Variants in ASIC2 observed in about 807,000 individuals in gnomAD.
ASIC2 encodes the protein acid sensing ion channel subunit 2.
In ASIC2, 25 loss-of-function variants were observed where a neutral mutation model predicts 57.3. That is an observed-to-expected ratio of 0.44 (90% CI 0.32 to 0.61). ASIC2 has a LOEUF of 0.61. ASIC2 is among the 20% of genes least tolerant of loss of function. The pLI is 0.06. For synonymous variants in ASIC2, 319 were observed against 307.5 expected, an observed-to-expected ratio of 1.04 and a Z score of -0.39; for missense variants, 641 against 738.1, an observed-to-expected ratio of 0.87 and a Z score of 1.52.
At chr17:34,148,444 C>T (rs1904378371) in intron 1 of ASIC2, among the ~76,000 whole-genome samples, 2 of 152,146 alleles carry the variant, frequency 1.3e-5, no homozygotes, top group Admixed American at 1.3e-4. Flanking sequence ...AAGGTTGCCC[C>T]CATAAGGGCA....
chr17:34,027,280 C>G (rs202219432), intron 1 of ASIC2, among the ~76,000 whole-genome samples: 1 of 152,154 alleles, frequency 6.6e-6, no homozygotes, highest in Non-Finnish European at 1.5e-5. Context: ...ATCTCAGTAC[C>G]TCCAAGTTTC....
At chr17:33,484,690 T>G (rs1017782855) in intron 1 of ASIC2, among the ~76,000 whole-genome samples, 3 of 152,178 alleles carry the variant, frequency 2.0e-5, no homozygotes, top group Admixed American at 6.5e-5. Context: ...AAGTGGGGCT[T>G]GGACACCGGA....
intron 1 of ASIC2, among the ~76,000 whole-genome samples, chr17:33,656,592 C>T (rs529588062): frequency 1.3e-5 from 2 of 152,284 alleles, no homozygotes; most frequent in South Asian, 4.2e-4. Context: ...ATGCTGCTCT[C>T]TCCATCAGGA....
At chr17:33,666,130 G>T (rs1907463854) in intron 1 of ASIC2, among the ~76,000 whole-genome samples, 1 of 152,090 alleles carries the variant, frequency 6.6e-6, no homozygotes, top group Non-Finnish European at 1.5e-5. Flanking sequence ...TAACCAGATT[G>T]TTCTTTCCTG....
intron 5 of ASIC2, among the ~76,000 whole-genome samples, chr17:33,025,451 C>T (rs766232272): frequency 3.9e-5 from 6 of 152,112 alleles, no homozygotes; most frequent in Non-Finnish European, 7.4e-5. Context: ...CCTCCTCCAC[C>T]TCCCCTAGGC....
At chr17:33,801,876 G>A (rs1353999779) in intron 1 of ASIC2, among the ~76,000 whole-genome samples, 1 of 152,158 alleles carries the variant, frequency 6.6e-6, no homozygotes, top group African/African-American at 2.4e-5. Flanking sequence ...CAGACAGAAA[G>A]CAACTTGTTT....
chr17:33,124,831 G>T lies in ASIC2; in HGVS notation c.709-12764C>A, dbSNP rs141160720. On this transcript the variant is annotated intron_variant, in intron 1 of 9. Transcript: ENST00000225823. ...TCACCATAATGTAGAATCAGTGGGA[G>T]CCCTGAGTTTGTTTTCCTGCAACTA... Among the ~76,000 whole-genome samples the T allele has an allele frequency of 7.4e-3, 1,124 of 152,280 alleles. 12 individuals are homozygous for T. Among genetic ancestry groups the T allele is most frequent in the African/African-American group, 0.026 (1,074 of 41,546 alleles).
intron 3 of ASIC2, among the ~76,000 whole-genome samples, chr17:33,060,500 G>C (rs1184436312): frequency 1.3e-5 from 2 of 151,118 alleles, no homozygotes; most frequent in African/African-American, 4.9e-5. Flanking sequence ...TGAGGGCTCT[G>C]TTCTGTTCCG....
At chr17:34,145,731 G>A (rs1912398305) in intron 1 of ASIC2, among the ~76,000 whole-genome samples, 1 of 152,196 alleles carries the variant, frequency 6.6e-6, no homozygotes, top group Admixed American at 6.5e-5. Flanking sequence ...CGCTTTTCAT[G>A]CTAAGCTGTC....
Position 33,190,445 on chromosome 17 carries a change from G to T in ASIC2, c.709-78378C>A, listed in dbSNP as rs1421874884. On this transcript the variant is annotated intron_variant, in intron 1 of 9. Transcript: ENST00000225823. Reference sequence around the variant, plus strand: ...GCTATTGACAGGAAGATTAAATATTGTTACATCAATTCTTACCAAATTGAT... The same window carrying T: ...GCTATTGACAGGAAGATTAAATATTTTTACATCAATTCTTACCAAATTGAT... Among the ~76,000 whole-genome samples the T allele has an allele frequency of 2.0e-5, 3 of 152,150 alleles. No individual in the cohort carries two copies. In the East Asian group the frequency reaches 5.8e-4, roughly 29 times the overall value.
chr17:33,550,709 G>C (rs1384508079), intron 1 of ASIC2, among the ~76,000 whole-genome samples: 1 of 152,224 alleles, frequency 6.6e-6, no homozygotes, highest in Non-Finnish European at 1.5e-5. Context: ...GATGAGCCCA[G>C]AGTGGAGAAA....
intron 1 of ASIC2, among the ~76,000 whole-genome samples, chr17:33,209,143 C>T (rs757407777): frequency 1.3e-5 from 2 of 152,210 alleles, no homozygotes; most frequent in Non-Finnish European, 2.9e-5. Context: ...ATGCTGTTAA[C>T]TACCATCCTA....
chr17:33,675,474 C>G (rs77844338), intron 1 of ASIC2, among the ~76,000 whole-genome samples: 3,228 of 152,306 alleles, frequency 0.021, 57 homozygotes, highest in Non-Finnish European at 0.032. Flanking sequence ...TTTGAAAAAG[C>G]CTGCAACCTG....
At chr17:33,175,933 C>A (rs1235591641) in intron 1 of ASIC2, among the ~76,000 whole-genome samples, 1 of 152,148 alleles carries the variant, frequency 6.6e-6, no homozygotes, top group South Asian at 2.1e-4. Context: ...TGTGAAAAGC[C>A]TAATCTGGAC....
chr17:33,819,795 C>T (rs1912693772), intron 1 of ASIC2, among the ~76,000 whole-genome samples: 1 of 152,212 alleles, frequency 6.6e-6, no homozygotes, highest in Non-Finnish European at 1.5e-5. Flanking sequence ...TCACAAAAAA[C>T]ATTAAACACA....
chr17:34,046,632 C>T (rs1908348739), intron 1 of ASIC2, among the ~76,000 whole-genome samples: 1 of 152,176 alleles, frequency 6.6e-6, no homozygotes, highest in Non-Finnish European at 1.5e-5. Context: ...CCAGTACCTA[C>T]CCCAACTCTC....
intron 1 of ASIC2, among the ~76,000 whole-genome samples, chr17:33,884,096 G>A (rs970759389): frequency 4.6e-5 from 7 of 152,188 alleles, no homozygotes; most frequent in African/African-American, 1.7e-4. Context: ...CCATTTCCCT[G>A]CCTCTCTGTG....
chr17:33,153,042 T>A (rs2142031772), intron 1 of ASIC2, among the ~76,000 whole-genome samples: 1 of 152,288 alleles, frequency 6.6e-6, no homozygotes, highest in East Asian at 1.9e-4. Flanking sequence ...CCTGGCTTTC[T>A]TTTTCCTCTC....
At chr17:33,480,809 G>A (rs780172145) in intron 1 of ASIC2, among the ~76,000 whole-genome samples, 4 of 152,032 alleles carry the variant, frequency 2.6e-5, no homozygotes, top group Non-Finnish European at 4.4e-5. Context: ...CCACTCTCAA[G>A]GCCACACCTT....
Sources: allele counts gnomAD v4.1 joint callset (sites outside exome capture counted in the v4.1 genomes callset), GRCh38; gene constraint gnomAD v4.1.1; transcripts MANE v1.5; gene names NCBI Gene and HGNC (gene_info 2026-07-23, HGNC 2026-07-21).